IFIH1: variants seen among roughly 807,000 people sequenced by gnomAD.
IFIH1 encodes interferon-induced helicase C domain-containing protein 1.
In IFIH1, 125 loss-of-function variants were observed where a neutral mutation model predicts 107.4. The ratio of observed to expected loss-of-function variants is 1.16; its 90% CI spans 1.01 to 1.35. The LOEUF (loss-of-function observed/expected upper bound fraction) is 1.35, where lower values mean the gene tolerates loss of function less well. Among genes scored for constraint, IFIH1 ranks in the 40% most tolerant of loss-of-function variants. The probability of loss-of-function intolerance (pLI) is 0.00; values close to 1 mark genes in which losing one functional copy is unlikely to be tolerated. For missense variants in IFIH1, 1,333 were observed against 1,213.7 expected, an observed-to-expected ratio of 1.10 and a Z score of -1.46; for synonymous variants, 458 against 413.2, an observed-to-expected ratio of 1.11 and a Z score of -1.31.
At chr2:162,302,109 C>G (rs561395260) in intron 3 of IFIH1, among the ~76,000 whole-genome samples, 14 of 152,224 alleles carry the variant, frequency 9.2e-5, no homozygotes, top group African/African-American at 3.4e-4. Context: ...TCTGATATGT[C>G]ACCTCTAGTG....
At chr2:162,288,948 C>T in intron 4 of IFIH1, among the ~76,000 whole-genome samples, 1 of 144,184 alleles carries the variant, frequency 6.9e-6, no homozygotes, top group African/African-American at 2.9e-5. Context: ...CACACACACA[C>T]ACACACACAG....
chr2:162,313,363 C>A (rs1237786436), intron 1 of IFIH1, among the ~76,000 whole-genome samples: 1 of 152,200 alleles, frequency 6.6e-6, no homozygotes, highest in Non-Finnish European at 1.5e-5. Context: ...GCCCCTCCCC[C>A]ACTCGAAGTT....
At position 162,318,019 on chromosome 2, in the gene IFIH1, G is replaced by T. The variant is rs1306329943; in HGVS notation, c.289C>A (p.Pro97Thr). The change falls in exon 1 of 16, where the codon CCT (proline) becomes ACT (threonine). Residue 97 changes from proline to threonine, a missense_variant. Transcript: ENST00000649979. ...GGAGAGGGCAAGTCCGTGAGCTCAGGGTTCATGTAGCGGGCGGCCAGAGGG... is the reference window on the plus strand; with the variant it reads ...GGAGAGGGCAAGTCCGTGAGCTCAGTGTTCATGTAGCGGGCGGCCAGAGGG... Reference protein sequence around the residue: ...GSPLAARYMNPELTDLPSPSF... With the variant: ...GSPLAARYMNTELTDLPSPSF... The T allele has an allele frequency of 1.1e-5, 18 of 1,614,180 alleles. No individual in the cohort carries two copies. The highest frequency in any genetic ancestry group is 5.0e-5 in the Admixed American group (3 of 60,032).
At chr2:162,286,785 T>G (rs1682901541) in intron 5 of IFIH1, among the ~76,000 whole-genome samples, 1 of 151,956 alleles carries the variant, frequency 6.6e-6, no homozygotes, top group Non-Finnish European at 1.5e-5. Context: ...CTTAGTTTCA[T>G]GAGTTATGAA....
At chr2:162,281,605 G>C (rs1576226788) in intron 6 of IFIH1, 60 bp from the exon 7 acceptor site, 1 of 1,257,644 alleles carries the variant, frequency 8.0e-7, no homozygotes, top group Non-Finnish European at 1.1e-6. Flanking sequence ...TGAGAAAATA[G>C]CTTTAGACCA....
At chr2:162,274,737 T>C (rs1248082631) in intron 11 of IFIH1, among the ~76,000 whole-genome samples, 1 of 152,192 alleles carries the variant, frequency 6.6e-6, no homozygotes, top group Non-Finnish European at 1.5e-5. Flanking sequence ...CCTAGCTTGA[T>C]ATGGACAATG....
At chr2:162,292,011 GT>G (rs1295999786) in intron 4 of IFIH1, among the ~76,000 whole-genome samples, 4 of 151,808 alleles carry the variant, frequency 2.6e-5, no homozygotes, top group African/African-American at 9.7e-5. Context: ...CTTATCATGT[GT>G]TTCATGCCAC....
At chr2:162,309,697 A>AT (rs1381247834) in intron 2 of IFIH1, among the ~76,000 whole-genome samples, 1 of 152,036 alleles carries the variant, frequency 6.6e-6, no homozygotes, top group African/African-American at 2.4e-5. Context: ...ACAATTTCTC[A>AT]TTTTTTGCCA....
intron 4 of IFIH1, among the ~76,000 whole-genome samples, chr2:162,291,475 A>G (rs1478319746): frequency 6.7e-6 from 1 of 149,820 alleles, no homozygotes; most frequent in Non-Finnish European, 1.5e-5. Context: ...GAGGCAATAT[A>G]TCTTTCTGAA....
intron 2 of IFIH1, chr2:162,310,164 T>C (rs924324439): frequency 6.6e-6 from 1 of 152,338 alleles, no homozygotes; most frequent in South Asian, 2.1e-4. Context: ...TAATTAATAG[T>C]TAACTTTCAA....
At chr2:162,301,069 T>A (rs1683186136) in intron 3 of IFIH1, among the ~76,000 whole-genome samples, 1 of 152,170 alleles carries the variant, frequency 6.6e-6, no homozygotes, top group South Asian at 2.1e-4. Flanking sequence ...CTACAGAACA[T>A]GATCTATGCA....
At chr2:162,314,339 C>T (rs1385971589) in intron 1 of IFIH1, among the ~76,000 whole-genome samples, 1 of 151,462 alleles carries the variant, frequency 6.6e-6, no homozygotes, top group African/African-American at 2.4e-5. Flanking sequence ...AGTAGACATT[C>T]TTCTTTCCTT....
intron 4 of IFIH1, among the ~76,000 whole-genome samples, chr2:162,289,397 A>T (rs1274499154): frequency 6.6e-6 from 1 of 151,794 alleles, no homozygotes; most frequent in African/African-American, 2.4e-5. Context: ...AAGATCAAAA[A>T]ATGCATAGCT....
chr2:162,317,722 A>G, intron 1 of IFIH1, 133 bp downstream of exon 1: 1 of 700,388 alleles, frequency 1.4e-6, no homozygotes, highest in South Asian at 1.9e-5. Context: ...AAGTGCCTAG[A>G]TGTTGTCTTC....
At chr2:162,311,250 G>A (rs998187351) in intron 1 of IFIH1, among the ~76,000 whole-genome samples, 1 of 151,926 alleles carries the variant, frequency 6.6e-6, no homozygotes, top group Non-Finnish European at 1.5e-5. Flanking sequence ...AGCCATTCCT[G>A]AATAAAGGAT....
At chr2:162,313,064 T>G (rs1683407628) in intron 1 of IFIH1, among the ~76,000 whole-genome samples, 1 of 152,230 alleles carries the variant, frequency 6.6e-6, no homozygotes, top group Admixed American at 6.5e-5. Flanking sequence ...GATCATGATG[T>G]CATTATTTCC....
At chr2:162,272,889 C>G (rs140679550) in intron 12 of IFIH1, among the ~76,000 whole-genome samples, 2 of 152,282 alleles carry the variant, frequency 1.3e-5, no homozygotes, top group Admixed American at 1.3e-4. Flanking sequence ...TTTCTACAAG[C>G]CTCTTTATGA....
At chr2:162,301,688 T>C (rs1683196486) in intron 3 of IFIH1, among the ~76,000 whole-genome samples, 1 of 152,222 alleles carries the variant, frequency 6.6e-6, no homozygotes, top group Non-Finnish European at 1.5e-5. Context: ...AGAAGTAAAA[T>C]ATTTGCTATA....
chr2:162,318,302 C>T lies in IFIH1; in HGVS notation c.6G>A (p.Ser2=). The stretch of plus-strand genomic sequence containing the variant: ...AATTCTCGTCTGTGGAATACCCATT[C>T]GACATCTTTCTTTCTCAGAGAAGGG... The part of the protein sequence containing the change: M[S]NGYSTDENFR... The change falls in exon 1 of 16, where the codon TCG becomes TCA. Residue 2 remains serine (S), a synonymous_variant. Transcript: ENST00000649979. 1.2e-6 allele frequency: 2 copies of T among 1,609,770 alleles called. No homozygotes were observed. Among genetic ancestry groups the T allele is most frequent in the Non-Finnish European group, 1.7e-6 (2 of 1,176,632 alleles).
Sources: gnomAD v4.1 joint callset for allele counts (sites outside exome capture counted in the v4.1 genomes callset) on GRCh38, gnomAD v4.1.1 for gene constraint, MANE v1.5 for transcripts, NCBI Gene and HGNC (gene_info 2026-07-23, HGNC 2026-07-21) for gene names.